The following SPAG16 variants were observed in gnomAD, a reference collection of about 807,000 sequenced individuals.
SPAG16 encodes sperm-associated antigen 16 protein.
SPAG16 carries 86 observed loss-of-function variants against 80.4 expected under a neutral mutation model. The ratio of observed to expected loss-of-function variants is 1.07; its 90% CI spans 0.90 to 1.28. The LOEUF is 1.28. Among genes scored for constraint, SPAG16 ranks in the 50% most tolerant of loss-of-function variants. SPAG16 has a pLI of 0.00. For missense variants in SPAG16, 870 were observed against 765.3 expected (o/e 1.14, Z -1.61); for synonymous variants, 294 against 265.9 (o/e 1.11, Z -1.03).
chr2:213,851,054 T>A (rs2074878907), intron 10 of SPAG16, among the ~76,000 whole-genome samples: 1 of 152,292 alleles, frequency 6.6e-6, no homozygotes, highest in African/African-American at 2.4e-5. Flanking sequence ...AGAGAAGTGC[T>A]TATATTCATA....
intron 7 of SPAG16, among the ~76,000 whole-genome samples, chr2:213,361,158 G>T (rs2125106749): frequency 6.6e-6 from 1 of 151,962 alleles, no homozygotes; most frequent in South Asian, 2.1e-4. Context: ...ACTAGACAGT[G>T]AATCAACATT....
chr2:214,228,218 G>A (rs1046569612), intron 15 of SPAG16, among the ~76,000 whole-genome samples: 1 of 151,812 alleles, frequency 6.6e-6, no homozygotes, highest in Non-Finnish European at 1.5e-5. Context: ...ATTCAAGTTT[G>A]TTAACTTTCT....
At chr2:213,783,560 C>A (rs1228911762) in intron 10 of SPAG16, among the ~76,000 whole-genome samples, 1 of 113,972 alleles carries the variant, frequency 8.8e-6, no homozygotes, top group African/African-American at 3.1e-5. Flanking sequence ...CATAATTGTC[C>A]ATAGTGAAAA....
In SPAG16 at chr2:213,677,180, C is replaced by G. The variant is rs1251237368; in HGVS notation, c.1071-185305C>G. On this transcript the variant is annotated intron_variant, in intron 10 of 15. Transcript: ENST00000331683. The stretch of plus-strand genomic sequence containing the variant: ...GTAAAATCATGCCAAAATGTAGAGA[C>G]CATCGAGACTAGGAAGAAACTGCAT... Among the ~76,000 whole-genome samples the G allele has an allele frequency of 2.6e-5, 4 of 151,984 alleles. No individual in the cohort carries two copies. The South Asian group carries it at 6.2e-4, about 24-fold the overall frequency.
chr2:213,975,269 G>A (rs1014596900), intron 12 of SPAG16, among the ~76,000 whole-genome samples: 2 of 150,766 alleles, frequency 1.3e-5, no homozygotes, highest in African/African-American at 2.4e-5. Flanking sequence ...TATTTACAAC[G>A]TGAAAAAGTG....
intron 12 of SPAG16, among the ~76,000 whole-genome samples, chr2:213,996,863 C>T (rs778501877): frequency 8.5e-5 from 13 of 152,114 alleles, no homozygotes; most frequent in East Asian, 3.9e-4. Context: ...CCGCCGCACC[C>T]GGCCCTACTA....
intron 10 of SPAG16, among the ~76,000 whole-genome samples, chr2:213,786,290 C>T (rs902259992): frequency 6.6e-6 from 1 of 152,146 alleles, no homozygotes; most frequent in African/African-American, 2.4e-5. Flanking sequence ...GAATTATATG[C>T]TGTTTGCTCT....
chr2:214,067,711 G>A (rs371588710), intron 13 of SPAG16, among the ~76,000 whole-genome samples: 1 of 151,648 alleles, frequency 6.6e-6, no homozygotes, highest in East Asian at 1.9e-4. Flanking sequence ...GAATACATCC[G>A]GGTCTTTTCA....
At chr2:213,742,528 T>G (rs1394336542) in intron 10 of SPAG16, among the ~76,000 whole-genome samples, 2 of 149,928 alleles carry the variant, frequency 1.3e-5, no homozygotes, top group African/African-American at 4.9e-5. Flanking sequence ...TGATCCCTCC[T>G]GTCTTATTTT....
intron 15 of SPAG16, among the ~76,000 whole-genome samples, chr2:214,190,512 A>G (rs761333458): frequency 6.6e-6 from 1 of 152,160 alleles, no homozygotes; most frequent in Non-Finnish European, 1.5e-5. Context: ...TTGATAGCTC[A>G]AATTATTTTT....
Position 213,862,507 on chromosome 2 carries a change from G to T in SPAG16, c.1093G>T (p.Asp365Tyr). 5 of 1,614,010 alleles carry T rather than the reference G, an allele frequency of 3.1e-6. No homozygotes were observed. The highest frequency in any genetic ancestry group is 4.2e-6 in the Non-Finnish European group (5 of 1,179,950). Residue 365 changes from aspartate to tyrosine, a missense_variant, in exon 11 of 16, where the codon GAC becomes TAC. By Grantham distance (160) the Asp-to-Tyr change is radical. Coordinates refer to ENST00000331683, the MANE Select transcript of SPAG16 (RefSeq NM_024532.5). ...CAGTGTCTCCATGCAACCCCACAAA[G>T]ACATCCTAGTCTCCTGTGGCGAGGA... ...VSCVSMQPHK[D>Y]ILVSCGEDRL...
chr2:214,317,276 C>T (rs1473710817), intron 15 of SPAG16, among the ~76,000 whole-genome samples: 1 of 152,196 alleles, frequency 6.6e-6, no homozygotes, highest in Non-Finnish European at 1.5e-5. Context: ...GACTTCCGGC[C>T]TAATGTTCTT....
chr2:213,915,168 T>A lies in SPAG16; in HGVS notation c.1215-14792T>A, dbSNP rs537302162. 1.1e-4 allele frequency among the ~76,000 whole-genome samples: 17 copies of A among 151,970 alleles called. No homozygotes were observed. The East Asian group carries it at 2.9e-3, about 26-fold the overall frequency. ...ATTATACTTTAATTTCTGGGATACA[T>A]GTGCAGAATGTGCAGGTTTATTACA... On this transcript the variant is annotated intron_variant, in intron 11 of 15. Transcript: ENST00000331683.
intron 15 of SPAG16, among the ~76,000 whole-genome samples, chr2:214,177,288 A>G (rs2057123929): frequency 6.6e-6 from 1 of 151,166 alleles, no homozygotes; most frequent in Non-Finnish European, 1.5e-5. Flanking sequence ...ATGGACCATT[A>G]CCAAATGTAT....
intron 9 of SPAG16, among the ~76,000 whole-genome samples, chr2:213,405,950 CA>C (rs769129960): frequency 2.0e-4 from 31 of 152,068 alleles, no homozygotes; most frequent in Non-Finnish European, 3.5e-4. Context: ...CTGGTTAGCA[CA>C]AAGGCTACAG....
intron 15 of SPAG16, among the ~76,000 whole-genome samples, chr2:214,209,881 G>T (rs1234326826): frequency 6.6e-6 from 1 of 152,082 alleles, no homozygotes; most frequent in African/African-American, 2.4e-5. Context: ...TGGAAATGGA[G>T]ATAACCTCAG....
intron 14 of SPAG16, among the ~76,000 whole-genome samples, chr2:214,120,776 T>G (rs2054183283): frequency 6.6e-6 from 1 of 151,900 alleles, no homozygotes; most frequent in Non-Finnish European, 1.5e-5. Context: ...TCCTGTTATC[T>G]AGCAGATTCT....
intron 13 of SPAG16, among the ~76,000 whole-genome samples, chr2:214,075,869 G>A (rs2051049931): frequency 1.3e-5 from 2 of 152,096 alleles, no homozygotes; most frequent in African/African-American, 2.4e-5. Context: ...GAACTGTGCT[G>A]GAGTTTAAGA....
rs79207160 is a variant in SPAG16, at chr2:213,848,174, C to T, written c.1071-14311C>T. Among the ~76,000 whole-genome samples the T allele has an allele frequency of 8.9e-3, 1,355 of 152,288 alleles. 24 individuals carry two copies. The highest frequency in any genetic ancestry group is 0.03 in the African/African-American group (1,232 of 41,558). ...TTGGCTTGTAAAAATGGAAGCTCTA[C>T]GTCTTGTCTGGATTGTAGCAAGTTG... On this transcript the variant is annotated intron_variant, in intron 10 of 15. Coordinates refer to ENST00000331683, the MANE Select transcript of SPAG16 (RefSeq NM_024532.5).
Sources: allele counts gnomAD v4.1 joint callset (sites outside exome capture counted in the v4.1 genomes callset), GRCh38; gene constraint gnomAD v4.1.1; transcripts MANE v1.5; gene names NCBI Gene and HGNC (gene_info 2026-07-23, HGNC 2026-07-21).